Variants in RAB4A observed in about 807,000 individuals in gnomAD.
RAB4A encodes RAB4A, member RAS oncogene family.
Under a neutral mutation model 34.5 loss-of-function variants are expected in RAB4A, and 20 were observed. The observed-to-expected ratio is 0.58, with a 90% CI of 0.41 to 0.84. The LOEUF (loss-of-function observed/expected upper bound fraction) is 0.84. Ranked by LOEUF, RAB4A falls within the 40% of genes least tolerant of loss-of-function variation. RAB4A has a pLI of 0.00. For missense variants in RAB4A, 228 were observed against 274.5 expected (o/e 0.83, Z 1.20); for synonymous variants, 102 against 100.0 (o/e 1.02, Z -0.12).
At chr1:229,281,605 GT>G (rs1338069172) in intron 1 of RAB4A, among the ~76,000 whole-genome samples, 1 of 151,840 alleles carries the variant, frequency 6.6e-6, no homozygotes, top group Non-Finnish European at 1.5e-5. Context: ...TTTAATTGAT[GT>G]ATTTATTCCA....
intron 3 of RAB4A, among the ~76,000 whole-genome samples, chr1:229,289,800 G>A (rs915911603): frequency 6.6e-6 from 1 of 152,148 alleles, no homozygotes; most frequent in African/African-American, 2.4e-5. Context: ...TGGGCAACAA[G>A]AGCAAAACTC....
At position 229,271,266 on chromosome 1, in the gene RAB4A, C is replaced by A. The variant is rs1656460475; in HGVS notation, c.-74C>A. The A allele has an allele frequency of 7.6e-7, 1 of 1,310,410 alleles. No individual in the cohort carries two copies. The highest frequency in any genetic ancestry group is 9.7e-7 in the Non-Finnish European group (1 of 1,026,974). The allele number at this position is 1,310,410 out of a possible 1,614,324, so 81.2% of individuals were successfully genotyped here. On this transcript the variant is annotated 5_prime_UTR_variant, in exon 1 of 8. Coordinates refer to ENST00000366690, the MANE Select transcript of RAB4A (RefSeq NM_004578.4). ...CTCCGGTCCCCCGCCCCAGGTCCTT[C>A]CCCACCGAGACGCGCCGGCGGACCG...
intron 3 of RAB4A, 22 bp downstream of exon 3, chr1:229,288,865 A>G (rs780968973): frequency 7.4e-7 from 1 of 1,344,684 alleles, no homozygotes; most frequent in Non-Finnish European, 1.1e-6. Flanking sequence ...CTAACTTAAT[A>G]AAAATATTTG....
intron 3 of RAB4A, among the ~76,000 whole-genome samples, chr1:229,294,279 C>A (rs1037326757): frequency 6.6e-6 from 1 of 152,180 alleles, no homozygotes; most frequent in Admixed American, 6.5e-5. Flanking sequence ...GTTAAGAGAG[C>A]CCAGGACCCA....
intron 3 of RAB4A, among the ~76,000 whole-genome samples, chr1:229,293,401 C>A (rs1657146582): frequency 6.6e-6 from 1 of 152,236 alleles, no homozygotes; most frequent in South Asian, 2.1e-4. Context: ...CGGCCACAGC[C>A]CCGATCCCAA....
chr1:229,289,544 A>G (rs777511730), intron 3 of RAB4A, among the ~76,000 whole-genome samples: 3 of 152,200 alleles, frequency 2.0e-5, no homozygotes, highest in Non-Finnish European at 2.9e-5. Flanking sequence ...GCTGGGCACA[A>G]TGGCGCATGC....
At chr1:229,279,730 T>C (rs1429405964) in intron 1 of RAB4A, among the ~76,000 whole-genome samples, 5 of 152,350 alleles carry the variant, frequency 3.3e-5, no homozygotes, top group East Asian at 1.9e-4. Context: ...TACGGAAAGT[T>C]AAAAGTACAT....
At chr1:229,281,815 G>GA (rs1656784660) in intron 1 of RAB4A, among the ~76,000 whole-genome samples, 1 of 35,230 alleles carries the variant, frequency 2.8e-5, no homozygotes, top group African/African-American at 1.2e-4. Flanking sequence ...ACTTATCATA[G>GA]TTATATATAT....
intron 1 of RAB4A, among the ~76,000 whole-genome samples, chr1:229,279,623 T>G (rs1656731669): frequency 6.6e-6 from 1 of 152,214 alleles, no homozygotes; most frequent in Non-Finnish European, 1.5e-5. Flanking sequence ...TTTTTCCTGG[T>G]CTTTATTTTG....
intron 2 of RAB4A, 40 bp downstream of exon 2, chr1:229,286,606 T>A: frequency 8.0e-7 from 1 of 1,244,966 alleles, no homozygotes; most frequent in South Asian, 1.4e-5. Context: ...GTGCATGTCT[T>A]CTGAGAGCCC....
intron 1 of RAB4A, among the ~76,000 whole-genome samples, chr1:229,283,899 T>TAG (rs1656847728): frequency 1.2e-5 from 1 of 83,986 alleles, no homozygotes; most frequent in African/African-American, 6.9e-5. Context: ...GCTAATTTTT[T>TAG]TATTATTATT....
At chr1:229,274,284 C>T (rs764841739) in intron 1 of RAB4A, among the ~76,000 whole-genome samples, 31 of 151,348 alleles carry the variant, frequency 2.0e-4, no homozygotes, top group Admixed American at 2.0e-3. Flanking sequence ...AGTCTCATCC[C>T]GAACTCCTGG....
rs373788699 is a variant in RAB4A, at chr1:229,282,273, C to T, written c.32-4213C>T. On this transcript the variant is annotated intron_variant, in intron 1 of 7. Coordinates refer to ENST00000366690, the MANE Select transcript of RAB4A (RefSeq NM_004578.4). ...AAAAATACAGTCACTCTCTTATGGCCTCCCTGGCTTCAGATGAGAAATCTG... is the reference window on the plus strand; with the variant it reads ...AAAAATACAGTCACTCTCTTATGGCTTCCCTGGCTTCAGATGAGAAATCTG... Among the ~76,000 whole-genome samples the T allele has an allele frequency of 7.2e-5, 11 of 152,250 alleles. No individual in the cohort carries two copies. In the East Asian group the frequency reaches 9.6e-4, roughly 13 times the overall value.
chr1:229,299,400 G>C (rs1480907728), intron 6 of RAB4A, among the ~76,000 whole-genome samples: 1 of 152,148 alleles, frequency 6.6e-6, no homozygotes, highest in Non-Finnish European at 1.5e-5. Context: ...ATAGGCCTTT[G>C]TCCACTCTGT....
intron 6 of RAB4A, 138 bp from the exon 7 acceptor site, chr1:229,302,724 A>G (rs1041997133): frequency 2.7e-5 from 16 of 594,692 alleles, no homozygotes; most frequent in Middle Eastern, 3.4e-4. Flanking sequence ...GCAAACATAT[A>G]TATAGTTTTT....
chr1:229,271,459 G>GGGTGGC, intron 1 of RAB4A, 89 bp downstream of exon 1: 1 of 1,084,598 alleles, frequency 9.2e-7, no homozygotes. Flanking sequence ...GGGGTCTTGA[G>GGGTGGC]GGTGGCGGTG....
intron 3 of RAB4A, among the ~76,000 whole-genome samples, chr1:229,290,993 A>G (rs1463765798): frequency 6.6e-6 from 1 of 152,224 alleles, no homozygotes; most frequent in East Asian, 1.9e-4. Flanking sequence ...GTGCCATGTG[A>G]AATTTCAGAA....
chr1:229,281,022 T>G (rs1656764340), intron 1 of RAB4A, among the ~76,000 whole-genome samples: 1 of 152,224 alleles, frequency 6.6e-6, no homozygotes, highest in African/African-American at 2.4e-5. Context: ...GTCTAACAAT[T>G]TACCTGTTAA....
intron 6 of RAB4A, among the ~76,000 whole-genome samples, chr1:229,300,320 G>T (rs1261934487): frequency 6.6e-6 from 1 of 152,196 alleles, no homozygotes; most frequent in African/African-American, 2.4e-5. Context: ...AGGAGGTTAT[G>T]TTGAAAACAA....
Sources: allele counts gnomAD v4.1 joint callset (sites outside exome capture counted in the v4.1 genomes callset), GRCh38; gene constraint gnomAD v4.1.1; transcripts MANE v1.5; gene names NCBI Gene and HGNC (gene_info 2026-07-23, HGNC 2026-07-21).